The following RIMS4 variants were observed in gnomAD, a reference collection of about 807,000 sequenced individuals.
RIMS4 encodes regulating synaptic membrane exocytosis 4, also known as regulating synaptic membrane exocytosis protein 4.
RIMS4 carries 9 observed loss-of-function variants against 29.0 expected under a neutral mutation model. The observed-to-expected ratio is 0.31, with a 90% CI of 0.19 to 0.54. The LOEUF (loss-of-function observed/expected upper bound fraction) is 0.54. Among genes scored for constraint, RIMS4 ranks in the 20% least tolerant of loss-of-function variants. RIMS4 has a pLI of 0.94. For synonymous variants in RIMS4, 130 were observed against 152.9 expected, an observed-to-expected ratio of 0.85 and a Z score of 1.10; for missense variants, 193 against 365.7, an observed-to-expected ratio of 0.53 and a Z score of 3.85.
At chr20:44,764,212 A>AT (rs1365716158) in intron 2 of RIMS4, among the ~76,000 whole-genome samples, 119 of 150,322 alleles carry the variant, frequency 7.9e-4, no homozygotes, top group African/African-American at 2.8e-3. Flanking sequence ...CCATCCATCC[A>AT]CCCATCCATC....
intron 1 of RIMS4, among the ~76,000 whole-genome samples, chr20:44,804,790 T>C (rs778311806): frequency 2.6e-5 from 4 of 151,878 alleles, no homozygotes; most frequent in Non-Finnish European, 4.4e-5. Context: ...CAGAACTAGG[T>C]GGGCCTATGG....
intron 1 of RIMS4, among the ~76,000 whole-genome samples, chr20:44,788,447 TAG>T (rs1203896228): frequency 6.6e-6 from 1 of 152,092 alleles, no homozygotes; most frequent in African/African-American, 2.4e-5. Context: ...TACTAGAAAT[TAG>T]ATTTGCTTGA....
chr20:44,795,680 T>C (rs1213187886), intron 1 of RIMS4, among the ~76,000 whole-genome samples: 1 of 151,940 alleles, frequency 6.6e-6, no homozygotes, highest in Non-Finnish European at 1.5e-5. Flanking sequence ...CAGAGTAGTT[T>C]TGGGGCTCGA....
At chr20:44,785,245 T>C (rs1303159494) in intron 1 of RIMS4, among the ~76,000 whole-genome samples, 3 of 151,834 alleles carry the variant, frequency 2.0e-5, no homozygotes, top group Non-Finnish European at 4.4e-5. Flanking sequence ...TTTTTTTTTT[T>C]CTTTTATAAG....
intron 1 of RIMS4, among the ~76,000 whole-genome samples, chr20:44,784,318 C>T (rs572410142): frequency 1.3e-5 from 2 of 152,300 alleles, no homozygotes; most frequent in Non-Finnish European, 2.9e-5. Flanking sequence ...CCAGTCCCAC[C>T]AGGGCAAGCC....
chr20:44,795,196 C>G (rs2066249359), intron 1 of RIMS4, among the ~76,000 whole-genome samples: 1 of 152,240 alleles, frequency 6.6e-6, no homozygotes, highest in Non-Finnish European at 1.5e-5. Flanking sequence ...CAGGTGTCCT[C>G]TCACCCCTAC....
At chr20:44,764,178 CCATCCATCCA>C (rs2066101500) in intron 2 of RIMS4, among the ~76,000 whole-genome samples, 1 of 151,642 alleles carries the variant, frequency 6.6e-6, no homozygotes, top group African/African-American at 2.4e-5. Flanking sequence ...ATCCATCCAT[CCATCCATCCA>C]TTTATCCATC....
At chr20:44,764,255 C>CATCCATCCATCCATTTATCCATCCGTCCA (rs1325046131) in intron 2 of RIMS4, among the ~76,000 whole-genome samples, 13 of 144,302 alleles carry the variant, frequency 9.0e-5, no homozygotes, top group Non-Finnish European at 2.0e-4. Flanking sequence ...TCCATCCATC[C>CATCCATCCATCCATTTATCCATCCGTCCA]TCCCACAAAC....
chr20:44,760,106 G>T (rs537711236), intron 2 of RIMS4, among the ~76,000 whole-genome samples: 21 of 152,334 alleles, frequency 1.4e-4, no homozygotes, highest in Non-Finnish European at 2.2e-4. Context: ...AGGCTATCCT[G>T]CCCCGAAACA....
rs1028611363 is a variant in RIMS4 at position 44,756,142 on chromosome 20, G to A, written c.802C>T (p.Arg268Ter). 8.1e-6 allele frequency: 13 copies of A among 1,601,780 alleles called. No homozygotes were observed. The highest frequency in any genetic ancestry group is 2.2e-5 in the South Asian group (2 of 90,014). ...CCCTCCCCATTCCAGCACTAAGATC[G>A]TTCTCCGCAGGGCCCCACGGTGCTC... ...LESTVGPCGE[R>*]S Residue 268 changes from arginine (R) to a stop codon, truncating the protein, a stop_gained, in exon 6 of 6, where the codon CGA (arginine) becomes TGA (stop). Transcript: ENST00000372851. LOFTEE classifies it high-confidence loss of function. The surrounding 1 kb of genome is among the most constrained non-coding windows in gnomAD (Gnocchi z 5.9).
chr20:44,799,630 A>C (rs1415113974), intron 1 of RIMS4, among the ~76,000 whole-genome samples: 1 of 152,240 alleles, frequency 6.6e-6, no homozygotes, highest in Non-Finnish European at 1.5e-5. Flanking sequence ...ACCCACTCTC[A>C]GGGTGACTCC....
intron 1 of RIMS4, among the ~76,000 whole-genome samples, chr20:44,774,420 C>T (rs770604700): frequency 2.0e-5 from 3 of 152,034 alleles, no homozygotes; most frequent in Non-Finnish European, 2.9e-5. Flanking sequence ...ATCATCTAAT[C>T]GGCTGCCAGC....
rs1313447123 is a variant in RIMS4, at chr20:44,783,361, G to A, written c.98-11948C>T. On this transcript the variant is annotated intron_variant, in intron 1 of 5. Coordinates refer to ENST00000372851, the MANE Select transcript of RIMS4 (RefSeq NM_182970.4). ...TACTGGGCCGGGCATGGTGGCTCAC[G>A]CCTATAATCCCAGCACTTTGGGAGG... Among the ~76,000 whole-genome samples the A allele has an allele frequency of 2.0e-5, 3 of 152,158 alleles. No individual in the cohort carries two copies. In the East Asian group the frequency reaches 5.8e-4, roughly 29 times the overall value.
At chr20:44,800,265 C>G (rs1304840803) in intron 1 of RIMS4, among the ~76,000 whole-genome samples, 2 of 151,714 alleles carry the variant, frequency 1.3e-5, no homozygotes, top group Admixed American at 1.3e-4. Flanking sequence ...GTGATGGTGG[C>G]TTGTGGGAGT....
intron 1 of RIMS4, 49 bp from the exon 2 acceptor site, chr20:44,771,462 A>T: frequency 6.3e-7 from 1 of 1,575,074 alleles, no homozygotes. Context: ...CACAGGTGGG[A>T]GGGGGACAGA....
At chr20:44,790,811 A>G (rs1399839151) in intron 1 of RIMS4, among the ~76,000 whole-genome samples, 1 of 152,262 alleles carries the variant, frequency 6.6e-6, no homozygotes, top group Non-Finnish European at 1.5e-5. Context: ...GGCTATTTAT[A>G]GCTCACAAGC....
intron 1 of RIMS4, among the ~76,000 whole-genome samples, chr20:44,772,937 A>G (rs1480406983): frequency 6.6e-6 from 1 of 152,180 alleles, no homozygotes; most frequent in Non-Finnish European, 1.5e-5. Flanking sequence ...CCCTGCCTCT[A>G]AGAATCACAC....
At chr20:44,757,838 C>T (rs2145442679) in intron 3 of RIMS4, 67 bp from the exon 4 acceptor site, 2 of 1,403,086 alleles carry the variant, frequency 1.4e-6, no homozygotes, top group African/African-American at 1.4e-5. Context: ...CTCAGCTCTT[C>T]TCCTTTACTT....
chr20:44,773,891 C>T (rs1421022043), intron 1 of RIMS4, among the ~76,000 whole-genome samples: 1 of 152,192 alleles, frequency 6.6e-6, no homozygotes, highest in Admixed American at 6.5e-5. Flanking sequence ...AAATGACAGA[C>T]GTTTCCCATA....
Sources: gnomAD v4.1 joint callset for allele counts (sites outside exome capture counted in the v4.1 genomes callset) on GRCh38, gnomAD v4.1.1 for gene constraint, Gnocchi (gnomAD v3.1) non-coding constraint, MANE v1.5 for transcripts, NCBI Gene and HGNC (gene_info 2026-07-23, HGNC 2026-07-21) for gene names.